Variants in SIPA1L2 observed in about 807,000 individuals in gnomAD.
SIPA1L2 encodes the protein signal induced proliferation associated 1 like 2.
A neutral mutation model predicts 163.9 loss-of-function variants in SIPA1L2; 56 were observed. The ratio of observed to expected loss-of-function variants is 0.34; its 90% CI spans 0.28 to 0.43. SIPA1L2 has a LOEUF of 0.43. SIPA1L2 is among the 20% of genes least tolerant of loss of function. The pLI, the probability that SIPA1L2 is intolerant of heterozygous loss-of-function variation, is 1.00. For missense variants in SIPA1L2, 1,974 were observed against 2,193.5 expected, an observed-to-expected ratio of 0.90 and a Z score of 2.00; for synonymous variants, 877 against 865.7, an observed-to-expected ratio of 1.01 and a Z score of -0.23.
At chr1:232,437,488 A>C (rs966622555) in intron 15 of SIPA1L2, among the ~76,000 whole-genome samples, 2 of 152,210 alleles carry the variant, frequency 1.3e-5, no homozygotes, top group East Asian at 3.8e-4. Flanking sequence ...TTTGAAAATA[A>C]TCTTCATATC....
At chr1:232,619,903 T>A (rs1204955136) in intron 1 of SIPA1L2, among the ~76,000 whole-genome samples, 1 of 152,050 alleles carries the variant, frequency 6.6e-6, no homozygotes, top group African/African-American at 2.4e-5. Flanking sequence ...ATTTTTTTTT[T>A]AAGATGGAGT....
At position 232,514,702 on chromosome 1, in the gene SIPA1L2, C is replaced by T; in HGVS notation, c.638G>A (p.Arg213Lys). 1.2e-6 allele frequency: 2 copies of T among 1,614,220 alleles called. No homozygotes were observed. The highest frequency in any genetic ancestry group is 1.7e-6 in the Non-Finnish European group (2 of 1,180,036). The change falls in exon 3 of 23, where the codon AGA becomes AAA. Residue 213 changes from arginine to lysine, a missense_variant. By Grantham distance (26) the Arg-to-Lys change is conservative. Around this residue, in one of 3 missense-constraint regions of SIPA1L2, gnomAD observed 607 missense variants for 624.0 expected, o/e 0.97. Transcript: ENST00000674635. ...LSGENFFAML[R>K]GYRVENYDHK... ...GTCATAATTTTCTACTCGGTACCCT[C>T]TGAGCATAGCAAAAAAGTTTTCACC...
At chr1:232,629,616 G>C (rs920654523) in intron 1 of SIPA1L2, among the ~76,000 whole-genome samples, 14 of 152,198 alleles carry the variant, frequency 9.2e-5, no homozygotes, top group Admixed American at 4.6e-4. Context: ...TCAGCCGATC[G>C]ATAACTTGGA....
intron 5 of SIPA1L2, among the ~76,000 whole-genome samples, chr1:232,484,767 G>A (rs1213429686): frequency 6.6e-6 from 1 of 152,130 alleles, no homozygotes; most frequent in Non-Finnish European, 1.5e-5. Context: ...CCCCCAAAGA[G>A]GAACTGCTTC....
At chr1:232,431,777 T>C (rs1572888161) in intron 16 of SIPA1L2, among the ~76,000 whole-genome samples, 1 of 152,358 alleles carries the variant, frequency 6.6e-6, no homozygotes, top group African/African-American at 2.4e-5. Flanking sequence ...ATACAAAGCA[T>C]CCTTTCCTAC....
At chr1:232,470,904 T>C (rs1346454660) in intron 8 of SIPA1L2, among the ~76,000 whole-genome samples, 2 of 152,186 alleles carry the variant, frequency 1.3e-5, no homozygotes, top group African/African-American at 4.8e-5. Context: ...TGGTTAAGTA[T>C]AAAAGCAGGC....
chr1:232,548,573 T>C (rs182285729), intron 2 of SIPA1L2, among the ~76,000 whole-genome samples: 2 of 152,328 alleles, frequency 1.3e-5, no homozygotes, highest in Non-Finnish European at 2.9e-5. Flanking sequence ...TACTAATAAA[T>C]TCAATCAATA....
intron 1 of SIPA1L2, among the ~76,000 whole-genome samples, chr1:232,580,475 C>T (rs925380329): frequency 2.0e-5 from 3 of 152,144 alleles, no homozygotes; most frequent in Non-Finnish European, 4.4e-5. Flanking sequence ...TTTTACTCAG[C>T]CCCTGTTCAA....
intron 2 of SIPA1L2, among the ~76,000 whole-genome samples, chr1:232,544,131 T>C (rs1472279709): frequency 1.3e-5 from 2 of 152,148 alleles, no homozygotes; most frequent in Non-Finnish European, 2.9e-5. Context: ...AACCTTCTTT[T>C]TTTTTTTTAT....
At position 232,541,247 on chromosome 1, in the gene SIPA1L2, T is replaced by TAACA. The variant is rs552074001; in HGVS notation, c.-269-25640_-269-25639insTGTT. ...ATGTATCACATCACATAACATAACA[T>TAACA]TAACATAACATAACATAACATAACA... is the stretch of plus-strand genomic sequence containing the variant. On this transcript the variant is annotated intron_variant, in intron 2 of 22. Transcript: ENST00000674635. Among the ~76,000 whole-genome samples, 528 of 144,652 alleles carry TAACA rather than the reference T, an allele frequency of 3.7e-3. 4 individuals carry two copies. The highest frequency in any genetic ancestry group is 0.01 in the African/African-American group (374 of 37,304). 94.9% of individuals were successfully genotyped at this position (144,652 alleles called of 152,430 possible). A position where few individuals can be genotyped will look rare whatever the true frequency, so the allele number is the denominator to read the frequency against.
chr1:232,433,619 C>T (rs2102837950), intron 15 of SIPA1L2, among the ~76,000 whole-genome samples: 1 of 152,340 alleles, frequency 6.6e-6, no homozygotes, highest in Middle Eastern at 3.4e-3. Flanking sequence ...GCCAGAAGGA[C>T]TACCCACCCC....
chr1:232,528,078 TTATATATA>T (rs67185229), intron 2 of SIPA1L2, among the ~76,000 whole-genome samples: 3 of 96,126 alleles, frequency 3.1e-5, no homozygotes, highest in South Asian at 7.1e-4. Context: ...TAAGCAAGTT[TTATATATA>T]TATATATATA....
intron 7 of SIPA1L2, among the ~76,000 whole-genome samples, chr1:232,475,630 T>C (rs1665008346): frequency 2.6e-5 from 4 of 152,226 alleles, no homozygotes. Flanking sequence ...GTTAGTGAAC[T>C]GTTCTCATTT....
At chr1:232,439,565 A>T in intron 14 of SIPA1L2, 69 bp from the exon 15 acceptor site, 8 of 1,534,848 alleles carry the variant, frequency 5.2e-6, no homozygotes, top group Non-Finnish European at 7.0e-6. Flanking sequence ...ACCCTGACTC[A>T]GGGAGCTACA....
chr1:232,484,837 C>G (rs182600384), intron 5 of SIPA1L2, among the ~76,000 whole-genome samples: 1 of 152,214 alleles, frequency 6.6e-6, no homozygotes, highest in Non-Finnish European at 1.5e-5. Flanking sequence ...GAAAGGCTGA[C>G]AGATTATCAG....
At chr1:232,485,716 G>T (rs1392452294) in intron 5 of SIPA1L2, among the ~76,000 whole-genome samples, 1 of 152,130 alleles carries the variant, frequency 6.6e-6, no homozygotes, top group East Asian at 1.9e-4. Context: ...CTAAAATGTG[G>T]CCTGAAAATG....
rs1572902205 is a variant in SIPA1L2, at chr1:232,441,794, T to C, written c.3512A>G (p.Asp1171Gly). ...LECDGARERE[D>G]TMEASRHPET... ...CGGGTGCCTGCTTGCTTCCATGGTG[T>C]CTTCCCTCTCCCTGGCTCCGTCACA... Residue 1171 changes from aspartate (D) to glycine (G), a missense_variant, in exon 13 of 23, where the codon GAC (aspartate) becomes GGC (glycine). Asp to Gly is a moderately conservative substitution (Grantham distance 94, BLOSUM62 -1). Coordinates refer to ENST00000674635, the MANE Select transcript of SIPA1L2 (RefSeq NM_020808.5). 1.2e-6 allele frequency: 2 copies of C among 1,613,974 alleles called. No homozygotes were observed. Among genetic ancestry groups the C allele is most frequent in the African/African-American group, 2.7e-5 (2 of 75,026 alleles).
At chr1:232,624,901 G>A (rs1404004157) in intron 1 of SIPA1L2, among the ~76,000 whole-genome samples, 2 of 152,150 alleles carry the variant, frequency 1.3e-5, no homozygotes, top group Non-Finnish European at 2.9e-5. Flanking sequence ...AAAATAAGCT[G>A]AAGAAAGTCC....
At chr1:232,625,383 A>T (rs145127157) in intron 1 of SIPA1L2, among the ~76,000 whole-genome samples, 1 of 152,354 alleles carries the variant, frequency 6.6e-6, no homozygotes, top group African/African-American at 2.4e-5. Flanking sequence ...GCCAAATAAT[A>T]TAATCAAATT....
Sources: allele counts gnomAD v4.1 joint callset (sites outside exome capture counted in the v4.1 genomes callset), GRCh38; gene constraint gnomAD v4.1.1; regional missense constraint gnomAD v4.1.1; transcripts MANE v1.5; gene names NCBI Gene and HGNC (gene_info 2026-07-23, HGNC 2026-07-21).